Variants in CRLF3 observed in about 807,000 individuals in gnomAD.
CRLF3 encodes cytokine receptor-like factor 3.
Under a neutral mutation model 55.0 loss-of-function variants are expected in CRLF3, and 33 were observed. That is an observed-to-expected ratio of 0.60 (90% confidence interval 0.46 to 0.80). The LOEUF is 0.80. Among genes scored for constraint, CRLF3 ranks in the 30% least tolerant of loss-of-function variants. The probability of loss-of-function intolerance (pLI) is 0.00; values close to 1 mark genes in which losing one functional copy is unlikely to be tolerated. For missense variants in CRLF3, 494 were observed against 538.4 expected, an observed-to-expected ratio of 0.92 and a Z score of 0.82; for synonymous variants, 238 against 196.8, an observed-to-expected ratio of 1.21 and a Z score of -1.75.
intron 1 of CRLF3, among the ~76,000 whole-genome samples, chr17:30,813,827 A>T (rs573477298): frequency 1.3e-5 from 2 of 151,328 alleles, no homozygotes; most frequent in Non-Finnish European, 2.9e-5. Flanking sequence ...CAGGTAAAGC[A>T]GATACTACCC....
intron 6 of CRLF3, among the ~76,000 whole-genome samples, chr17:30,788,189 G>A (rs1446338035): frequency 3.3e-5 from 5 of 149,918 alleles, no homozygotes; most frequent in Non-Finnish European, 7.4e-5. Context: ...TTAGCCGGGC[G>A]TGGTAGCAGG....
In CRLF3 at chr17:30,796,170, C is replaced by G; in HGVS notation, c.593G>C (p.Arg198Pro). 6.2e-7 allele frequency: 1 copy of G among 1,611,560 alleles called. No homozygotes were observed. Among genetic ancestry groups the G allele is most frequent in the Non-Finnish European group, 8.5e-7 (1 of 1,178,420 alleles). Residue 198 changes from arginine to proline, a missense_variant, in exon 4 of 8, where the codon CGA (arginine) becomes CCA (proline). Coordinates refer to ENST00000324238, the MANE Select transcript of CRLF3 (RefSeq NM_015986.4). ...LIEKPGGIIVRWCKVDDDFTA... is the reference protein window; with the variant it reads ...LIEKPGGIIVPWCKVDDDFTA... ...TTCTGAATTACATACCTTACACCATCGTACAATGATGCCTCCAGGTTTCTC... is the reference window on the plus strand; with the variant it reads ...TTCTGAATTACATACCTTACACCATGGTACAATGATGCCTCCAGGTTTCTC...
At chr17:30,822,871 G>C (rs1423522778) in intron 1 of CRLF3, among the ~76,000 whole-genome samples, 1 of 152,034 alleles carries the variant, frequency 6.6e-6, no homozygotes, top group Non-Finnish European at 1.5e-5. Flanking sequence ...TTCATACAAT[G>C]TCTTACATCT....
chr17:30,800,684 G>A (rs1382904392), intron 2 of CRLF3, among the ~76,000 whole-genome samples: 2 of 151,840 alleles, frequency 1.3e-5, no homozygotes, highest in Non-Finnish European at 2.9e-5. Context: ...GCCCAGGCTG[G>A]AGTGCAGTGC....
At chr17:30,786,530 T>C (rs1008072986) in intron 6 of CRLF3, 3 of 151,612 alleles carry the variant, frequency 2.0e-5, no homozygotes, top group Admixed American at 6.6e-5. Flanking sequence ...AGCCACTGCG[T>C]CCAGCCGGTA....
chr17:30,808,043 T>C (rs1904472126), intron 1 of CRLF3, among the ~76,000 whole-genome samples: 1 of 152,130 alleles, frequency 6.6e-6, no homozygotes, highest in Non-Finnish European at 1.5e-5. Context: ...TATGAGATCT[T>C]TGCAAACTGG....
At chr17:30,792,809 T>C in intron 5 of CRLF3, 1 of 293,992 alleles carries the variant, frequency 3.4e-6, no homozygotes, top group East Asian at 4.3e-5. Context: ...ATCTCTTATC[T>C]AATAAAATCA....
chr17:30,802,831 G>A (rs1972029141), intron 2 of CRLF3, among the ~76,000 whole-genome samples: 1 of 152,064 alleles, frequency 6.6e-6, no homozygotes, highest in South Asian at 2.1e-4. Flanking sequence ...GGCAAAGATA[G>A]GAGTAAACAC....
chr17:30,799,714 A>C (rs1971976286), intron 2 of CRLF3, among the ~76,000 whole-genome samples: 1 of 152,078 alleles, frequency 6.6e-6, no homozygotes. Context: ...CATGTTGGCC[A>C]GGCTGGTCTT....
chr17:30,788,765 G>A (rs187331236), intron 6 of CRLF3, among the ~76,000 whole-genome samples: 3 of 151,490 alleles, frequency 2.0e-5, no homozygotes, highest in East Asian at 2.0e-4. Flanking sequence ...ACACCACCAC[G>A]CCCGGCTAAT....
At chr17:30,820,823 CAAAAA>C (rs1163338509) in intron 1 of CRLF3, among the ~76,000 whole-genome samples, 1 of 65,000 alleles carries the variant, frequency 1.5e-5, no homozygotes. Flanking sequence ...GAGACTCTCT[CAAAAA>C]AAAAAAAAAA....
chr17:30,789,458 TA>T (rs1406830096), intron 6 of CRLF3, among the ~76,000 whole-genome samples: 2 of 151,982 alleles, frequency 1.3e-5, no homozygotes, highest in Non-Finnish European at 1.5e-5. Context: ...TCATAAGAGG[TA>T]AAAGTTAAAG....
At chr17:30,811,666 T>C (rs1021587323) in intron 1 of CRLF3, among the ~76,000 whole-genome samples, 2 of 146,832 alleles carry the variant, frequency 1.4e-5, no homozygotes, top group African/African-American at 5.1e-5. Flanking sequence ...TAGCTGGTCA[T>C]GGTGGCGGGC....
chr17:30,806,497 C>T (rs1904407610), intron 1 of CRLF3, among the ~76,000 whole-genome samples: 1 of 152,020 alleles, frequency 6.6e-6, no homozygotes, highest in Admixed American at 6.6e-5. Flanking sequence ...CTCATTTTTT[C>T]CAAGCACACC....
At chr17:30,791,514 C>G (rs1971800700) in intron 6 of CRLF3, among the ~76,000 whole-genome samples, 1 of 139,796 alleles carries the variant, frequency 7.2e-6, no homozygotes, top group Non-Finnish European at 1.5e-5. Flanking sequence ...GTCTCTTGGC[C>G]TCTAAAATTT....
intron 2 of CRLF3, among the ~76,000 whole-genome samples, chr17:30,799,491 T>C (rs900456914): frequency 2.0e-5 from 3 of 151,426 alleles, no homozygotes; most frequent in Non-Finnish European, 2.9e-5. Flanking sequence ...CCCAAGTAGC[T>C]AGGACTACAG....
chr17:30,821,258 T>G (rs1056327901), intron 1 of CRLF3, among the ~76,000 whole-genome samples: 4 of 150,818 alleles, frequency 2.7e-5, no homozygotes, highest in Non-Finnish European at 4.4e-5. Context: ...GAGGATCACT[T>G]GAGCCTGAGA....
chr17:30,788,722 C>G (rs1020432248), intron 6 of CRLF3, among the ~76,000 whole-genome samples: 1 of 150,188 alleles, frequency 6.7e-6, no homozygotes, highest in Non-Finnish European at 1.5e-5. Flanking sequence ...ATTCTCCTGC[C>G]TCAGCCTCCT....
At chr17:30,790,675 G>T (rs1276990253) in intron 6 of CRLF3, 2 of 141,360 alleles carry the variant, frequency 1.4e-5, no homozygotes, top group Non-Finnish European at 3.0e-5. Flanking sequence ...GGAGTGCAGT[G>T]GCACGATCTC....
Sources: gnomAD v4.1 joint callset for allele counts (sites outside exome capture counted in the v4.1 genomes callset) on GRCh38, gnomAD v4.1.1 for gene constraint, MANE v1.5 for transcripts, NCBI Gene and HGNC (gene_info 2026-07-23, HGNC 2026-07-21) for gene names.